Variants in SLC24A3 observed in about 807,000 individuals in gnomAD.
SLC24A3 encodes solute carrier family 24 member 3.
A neutral mutation model predicts 75.8 loss-of-function variants in SLC24A3; 28 were observed. The ratio of observed to expected loss-of-function variants is 0.37; its 90% confidence interval spans 0.27 to 0.51. The LOEUF is 0.51. Ranked by LOEUF, SLC24A3 falls within the 20% of genes least tolerant of loss-of-function variation. The probability of loss-of-function intolerance (pLI) is 0.94; values close to 1 mark genes in which losing one functional copy is unlikely to be tolerated. For missense variants in SLC24A3, 663 were observed against 847.8 expected, an observed-to-expected ratio of 0.78 and a Z score of 2.71; for synonymous variants, 372 against 334.1, an observed-to-expected ratio of 1.11 and a Z score of -1.24.
intron 2 of SLC24A3, among the ~76,000 whole-genome samples, chr20:19,445,013 CTTTTA>C (rs1987357021): frequency 6.6e-6 from 1 of 152,066 alleles, no homozygotes; most frequent in African/African-American, 2.4e-5. Flanking sequence ...ATACATTTAA[CTTTTA>C]TTTTTATTTT....
chr20:19,304,353 C>A (rs117763190), intron 2 of SLC24A3, among the ~76,000 whole-genome samples: 1 of 151,640 alleles, frequency 6.6e-6, no homozygotes, highest in African/African-American at 2.4e-5. Flanking sequence ...TCGTAGTTTC[C>A]TCATCTTTCA....
In SLC24A3 at chr20:19,713,432, G is replaced by A. The variant is rs142551480; in HGVS notation, c.1720-4096G>A. Among the ~76,000 whole-genome samples the A allele has an allele frequency of 4.5e-3, 691 of 152,308 alleles. 4 individuals carry two copies. The highest frequency in any genetic ancestry group is 0.016 in the African/African-American group (653 of 41,560). On this transcript the variant is annotated intron_variant, in intron 15 of 16. Coordinates refer to ENST00000328041, the MANE Select transcript of SLC24A3 (RefSeq NM_020689.4). ...GAACATTATCCAGGGAGTGGCATCC[G>A]GGGTCTCTCTGCTTCCAACCTCACT...
At chr20:19,326,216 A>G (rs1217019768) in intron 2 of SLC24A3, among the ~76,000 whole-genome samples, 1 of 152,058 alleles carries the variant, frequency 6.6e-6, no homozygotes, top group Non-Finnish European at 1.5e-5. Context: ...GGCCCCCATT[A>G]CCGAGATGTG....
At chr20:19,541,696 A>T (rs1409663278) in intron 3 of SLC24A3, among the ~76,000 whole-genome samples, 2 of 152,222 alleles carry the variant, frequency 1.3e-5, no homozygotes, top group Non-Finnish European at 2.9e-5. Context: ...AAACTATAAA[A>T]ATCCCACCTG....
intron 2 of SLC24A3, among the ~76,000 whole-genome samples, chr20:19,304,592 C>T (rs1371951829): frequency 6.6e-6 from 1 of 152,162 alleles, no homozygotes; most frequent in Admixed American, 6.5e-5. Context: ...AGTTGCACCC[C>T]TCGCTGTGCC....
At chr20:19,393,461 T>C (rs1166918237) in intron 2 of SLC24A3, among the ~76,000 whole-genome samples, 1 of 152,216 alleles carries the variant, frequency 6.6e-6, no homozygotes, top group Non-Finnish European at 1.5e-5. Flanking sequence ...CATGATCTTA[T>C]ATGTAGAAAA....
chr20:19,424,432 G>C (rs534345356), intron 2 of SLC24A3, among the ~76,000 whole-genome samples: 11 of 152,218 alleles, frequency 7.2e-5, no homozygotes, highest in Admixed American at 7.2e-4. Flanking sequence ...GCTCATGCCA[G>C]TAATCCCAGC....
chr20:19,539,010 G>A (rs569993518), intron 3 of SLC24A3, among the ~76,000 whole-genome samples: 3 of 152,282 alleles, frequency 2.0e-5, no homozygotes, highest in African/African-American at 7.2e-5. Flanking sequence ...AAAAAAGTAT[G>A]GGCTGTATGA....
intron 2 of SLC24A3, among the ~76,000 whole-genome samples, chr20:19,393,230 C>T (rs1047425272): frequency 1.3e-5 from 2 of 152,016 alleles, no homozygotes; most frequent in African/African-American, 2.4e-5. Flanking sequence ...AGACTGAAAG[C>T]GTTTTTCCTA....
Position 19,722,796 on chromosome 20 carries a change from C to T in SLC24A3, c.*1656C>T, listed in dbSNP as rs778610802. 11 of 152,538 alleles carry T rather than the reference C, an allele frequency of 7.2e-5. No individual in the cohort carries two copies. Among genetic ancestry groups the T allele is most frequent in the Admixed American group, 6.5e-5 (1 of 15,280 alleles). The allele number at this position is 152,538 out of a possible 1,614,324, so 9.4% of individuals were successfully genotyped here. On this transcript the variant is annotated 3_prime_UTR_variant, in exon 17 of 17. Transcript: ENST00000328041. ...AGAAGAAATCACCAATTTGGGCTCT[C>T]AGAGCTAAGACACACTTATTGATTC...
intron 3 of SLC24A3, among the ~76,000 whole-genome samples, chr20:19,536,707 T>C (rs1450198308): frequency 3.3e-5 from 5 of 152,112 alleles, no homozygotes; most frequent in Non-Finnish European, 5.9e-5. Flanking sequence ...AACAGAGCCC[T>C]CAGAAATAAT....
rs528312189 is a variant in SLC24A3 at position 19,677,851 on chromosome 20, A to C, written c.768-4007A>C. Among the ~76,000 whole-genome samples the C allele has an allele frequency of 1.4e-4, 22 of 152,146 alleles. 1 individual carries two copies. The South Asian group carries it at 3.1e-3, about 22-fold the overall frequency. On this transcript the variant is annotated intron_variant, in intron 9 of 16. Transcript: ENST00000328041. ...TGGTTTTCCTAGGGAGAGGACCCTG[A>C]GGCCTTCCGCAGTGTTTGCCTCCCT... is the stretch of plus-strand genomic sequence containing the variant.
intron 2 of SLC24A3, among the ~76,000 whole-genome samples, chr20:19,316,291 C>T (rs1984584216): frequency 6.6e-6 from 1 of 152,192 alleles, no homozygotes; most frequent in South Asian, 2.1e-4. Context: ...CAAGGCTGCA[C>T]AGTTCCTACC....
chr20:19,483,423 T>C (rs1277619145), intron 2 of SLC24A3, among the ~76,000 whole-genome samples: 1 of 152,232 alleles, frequency 6.6e-6, no homozygotes, highest in Non-Finnish European at 1.5e-5. Flanking sequence ...ACACAGAATT[T>C]GGCTATCACA....
intron 2 of SLC24A3, among the ~76,000 whole-genome samples, chr20:19,414,410 CAAATCATGAGAATGGCTCAATGA>C (rs1986794649): frequency 6.6e-6 from 1 of 152,050 alleles, no homozygotes; most frequent in Non-Finnish European, 1.5e-5. Flanking sequence ...CAAAGTGCAC[CAAATCATGAGAATGGCTCAATGA>C]ATATGGCTTA....
chr20:19,546,179 A>AAAAAAAAAAAAAAAAAAAAAAAAAAAC (rs765227499), intron 3 of SLC24A3, among the ~76,000 whole-genome samples: 1 of 147,466 alleles, frequency 6.8e-6, no homozygotes, highest in Non-Finnish European at 1.5e-5. Flanking sequence ...AAAAAAAAAA[A>AAAAAAAAAAAAAAAAAAAAAAAAAAAC]AAAAAAAAAC....
chr20:19,404,957 G>A lies in SLC24A3; in HGVS notation c.272-110531G>A, dbSNP rs147200894. ...AGTCAGTTTTTTTCCACTGTCTCTC[G>A]GGGTACTTAGGACAGAGAGAGCAGA... On this transcript the variant is annotated intron_variant, in intron 2 of 16. Transcript: ENST00000328041. Among the ~76,000 whole-genome samples, 746 of 152,032 alleles carry A rather than the reference G, an allele frequency of 4.9e-3. 4 individuals carry two copies. The highest frequency in any genetic ancestry group is 0.017 in the African/African-American group (708 of 41,434).
At chr20:19,463,686 GAGC>G (rs1987718256) in intron 2 of SLC24A3, among the ~76,000 whole-genome samples, 2 of 152,204 alleles carry the variant, frequency 1.3e-5, no homozygotes, top group African/African-American at 4.8e-5. Context: ...GTGCACACAG[GAGC>G]CCTCTTCTGG....
chr20:19,346,063 CTATATATATATATATATATATA>C lies in SLC24A3; in HGVS notation c.271+65000_271+65021del, dbSNP rs763603062. Among the ~76,000 whole-genome samples the C allele has an allele frequency of 2.0e-3, 42 of 21,254 alleles. 2 individuals are homozygous for C. The highest frequency in any genetic ancestry group is 4.6e-3 in the South Asian group (2 of 438). 13.9% of individuals were successfully genotyped at this position (21,254 alleles called of 152,430 possible). ...CCCATCAATCAATGAATAAAGAAAA[CTATATATATATATATATATATA>C]TATATATATATATATATATATATGG... On this transcript the variant is annotated intron_variant, in intron 2 of 16. Transcript: ENST00000328041.
Sources: allele counts gnomAD v4.1 joint callset (sites outside exome capture counted in the v4.1 genomes callset), GRCh38; gene constraint gnomAD v4.1.1; transcripts MANE v1.5; gene names NCBI Gene and HGNC (gene_info 2026-07-23, HGNC 2026-07-21).